VEPH1: variants seen among roughly 807,000 people sequenced by gnomAD.
VEPH1 encodes ventricular zone expressed PH domain containing 1, also known as ventricular zone-expressed PH domain-containing protein homolog 1.
In VEPH1, 80 loss-of-function variants were observed where a neutral mutation model predicts 85.2. The observed-to-expected ratio is 0.94, with a 90% CI of 0.78 to 1.13. VEPH1 has a LOEUF of 1.13. Among genes scored for constraint, VEPH1 ranks in the 50% most tolerant of loss-of-function variants. The probability of loss-of-function intolerance (pLI) is 0.00; values close to 1 mark genes in which losing one functional copy is unlikely to be tolerated. For synonymous variants in VEPH1, 297 were observed against 348.0 expected (o/e 0.85, Z 1.63); for missense variants, 955 against 980.5 (o/e 0.97, Z 0.35).
intron 7 of VEPH1, among the ~76,000 whole-genome samples, chr3:157,364,738 T>G (rs761396031): frequency 2.6e-5 from 4 of 152,238 alleles, no homozygotes; most frequent in Non-Finnish European, 5.9e-5. Flanking sequence ...AACTTTGTAT[T>G]AAAAATGCTT....
At position 157,291,887 on chromosome 3, in the gene VEPH1, A is replaced by G. The variant is rs1292941867; in HGVS notation, c.2011-5213T>C. On this transcript the variant is annotated intron_variant, in intron 11 of 13. Coordinates refer to ENST00000362010, the MANE Select transcript of VEPH1 (RefSeq NM_001167912.2). ...GGTTTTCAGTGTTCATGTCTATTCA[A>G]CTATGACCATTAAGACTTTCCAGAC... is the stretch of plus-strand genomic sequence containing the variant. 2.6e-5 allele frequency among the ~76,000 whole-genome samples: 4 copies of G among 152,200 alleles called. No homozygotes were observed. The South Asian group carries it at 8.3e-4, about 32-fold the overall frequency.
intron 2 of VEPH1, among the ~76,000 whole-genome samples, chr3:157,480,371 T>G (rs73013610): frequency 1.5e-3 from 232 of 152,286 alleles, no homozygotes; most frequent in African/African-American, 5.2e-3. Flanking sequence ...TTTATGACAC[T>G]GAGGTTTGGG....
chr3:157,364,639 T>G, intron 7 of VEPH1, 127 bp from the exon 8 acceptor site: 1 of 868,500 alleles, frequency 1.2e-6, no homozygotes, highest in Non-Finnish European at 1.7e-6. Flanking sequence ...TCATTGGTCA[T>G]TTAACAAGTA....
At chr3:157,323,882 C>A (rs895744790) in intron 9 of VEPH1, among the ~76,000 whole-genome samples, 1 of 152,064 alleles carries the variant, frequency 6.6e-6, no homozygotes, top group Non-Finnish European at 1.5e-5. Context: ...GATCAACCAT[C>A]GACAGTGATT....
At position 157,421,753 on chromosome 3, in the gene VEPH1, G is replaced by A. The variant is rs575026810; in HGVS notation, c.696+6569C>T. 7.2e-5 allele frequency among the ~76,000 whole-genome samples: 11 copies of A among 152,216 alleles called. No homozygotes were observed. In the East Asian group the frequency reaches 1.9e-3, roughly 27 times the overall value. ...CAGCAGGAACAGAGCACGAAGAGCC[G>A]AGGGAGGCAAGTGGAGAGGCTGCTT... is the stretch of plus-strand genomic sequence containing the variant. On this transcript the variant is annotated intron_variant, in intron 5 of 13. Transcript: ENST00000362010.
intron 6 of VEPH1, among the ~76,000 whole-genome samples, chr3:157,386,917 A>T (rs1729365010): frequency 6.6e-6 from 1 of 152,186 alleles, no homozygotes; most frequent in Non-Finnish European, 1.5e-5. Flanking sequence ...AATAGCTTTG[A>T]CCTTACAGAT....
At chr3:157,437,452 A>G in intron 4 of VEPH1, 1 of 1,553,796 alleles carries the variant, frequency 6.4e-7, no homozygotes, top group Admixed American at 1.9e-5. Flanking sequence ...GTCAGCTTTT[A>G]CAAAGCACAT....
intron 9 of VEPH1, among the ~76,000 whole-genome samples, chr3:157,326,335 G>A (rs954740083): frequency 9.2e-5 from 14 of 152,168 alleles, no homozygotes; most frequent in African/African-American, 3.4e-4. Flanking sequence ...CTATCTGGCT[G>A]TCGAGTGATG....
chr3:157,376,090 C>A (rs1728068276), intron 7 of VEPH1, among the ~76,000 whole-genome samples: 1 of 152,014 alleles, frequency 6.6e-6, no homozygotes, highest in African/African-American at 2.4e-5. Context: ...TTCCTTGGGT[C>A]TCCCCTTCTG....
Position 157,260,539 on chromosome 3 carries a change from A to T in VEPH1, c.*595T>A, listed in dbSNP as rs1444572446. 2.0e-5 allele frequency: 3 copies of T among 152,232 alleles called. No individual in the cohort carries two copies. The highest frequency in any genetic ancestry group is 7.2e-5 in the African/African-American group (3 of 41,458). The allele number at this position is 152,232 out of a possible 1,614,324, so 9.4% of individuals were successfully genotyped here. ...GAATAATTAAATAAGTAATTCTGAAAGACAAGTATTTAATGACATAACTGG... is the reference window on the plus strand; with the variant it reads ...GAATAATTAAATAAGTAATTCTGAATGACAAGTATTTAATGACATAACTGG... On this transcript the variant is annotated 3_prime_UTR_variant, in exon 14 of 14. Coordinates refer to ENST00000362010, the MANE Select transcript of VEPH1 (RefSeq NM_001167912.2).
At chr3:157,307,522 G>A (rs1020516048) in intron 11 of VEPH1, among the ~76,000 whole-genome samples, 3 of 151,584 alleles carry the variant, frequency 2.0e-5, no homozygotes, top group African/African-American at 4.8e-5. Flanking sequence ...CTTTCTCTTC[G>A]CTGATTTGTA....
chr3:157,421,132 A>C lies in VEPH1; in HGVS notation c.697-7042T>G, dbSNP rs74854032. On this transcript the variant is annotated intron_variant, in intron 5 of 13. Coordinates refer to ENST00000362010, the MANE Select transcript of VEPH1 (RefSeq NM_001167912.2). ...ATGCCTAGAGGGCAGTGATGGAGGA[A>C]GGGGACCCATCTGCTCAGTTAGCCA... 4.6e-5 allele frequency among the ~76,000 whole-genome samples: 7 copies of C among 152,326 alleles called. No homozygotes were observed. In the East Asian group the frequency reaches 1.4e-3, roughly 29 times the overall value.
intron 7 of VEPH1, among the ~76,000 whole-genome samples, chr3:157,374,487 T>TA (rs1247663566): frequency 1.3e-5 from 2 of 152,250 alleles, no homozygotes; most frequent in East Asian, 3.8e-4. Flanking sequence ...ATGTCTTACC[T>TA]AAAAATGTGG....
chr3:157,403,739 T>C (rs913783953), intron 6 of VEPH1, among the ~76,000 whole-genome samples: 1 of 152,178 alleles, frequency 6.6e-6, no homozygotes, highest in Admixed American at 6.5e-5. Flanking sequence ...TTACTGATTA[T>C]TTACATAAAA....
intron 12 of VEPH1, among the ~76,000 whole-genome samples, chr3:157,274,485 C>T (rs544391166): frequency 5.8e-4 from 89 of 152,150 alleles, no homozygotes; most frequent in Non-Finnish European, 4.0e-4. Context: ...GGTGAACTCT[C>T]TGTCTCTCTG....
chr3:157,494,751 G>A (rs9682174), intron 2 of VEPH1, among the ~76,000 whole-genome samples: 33,958 of 152,042 alleles, frequency 0.22, 4,067 homozygotes, highest in East Asian at 0.36. Flanking sequence ...CAAAGCGATC[G>A]TTGTCCTTGT....
chr3:157,455,891 T>C (rs1445382595), intron 4 of VEPH1, among the ~76,000 whole-genome samples: 2 of 152,228 alleles, frequency 1.3e-5, no homozygotes, highest in African/African-American at 2.4e-5. Flanking sequence ...TGAACATATG[T>C]GTGCATGTGT....
At chr3:157,300,856 T>C (rs1308823313) in intron 11 of VEPH1, among the ~76,000 whole-genome samples, 21 of 152,180 alleles carry the variant, frequency 1.4e-4, no homozygotes, top group Admixed American at 1.2e-3. Flanking sequence ...CAAATGAAGG[T>C]AGAAATAGTA....
At chr3:157,299,559 C>CAAAAAAAAAAAAA (rs10535235) in intron 11 of VEPH1, among the ~76,000 whole-genome samples, 1 of 103,114 alleles carries the variant, frequency 9.7e-6, no homozygotes, top group African/African-American at 3.9e-5. Flanking sequence ...GGCCCTGTCT[C>CAAAAAAAAAAAAA]AAAAAAAAAA....
Sources: gnomAD v4.1 joint callset for allele counts (sites outside exome capture counted in the v4.1 genomes callset) on GRCh38, gnomAD v4.1.1 for gene constraint, MANE v1.5 for transcripts, NCBI Gene and HGNC (gene_info 2026-07-23, HGNC 2026-07-21) for gene names.